The following ADGRB3 variants were observed in gnomAD, a reference collection of about 807,000 sequenced individuals.
ADGRB3 encodes adhesion G protein-coupled receptor B3, also known as brain-specific angiogenesis inhibitor 3.
ADGRB3 carries 37 observed loss-of-function variants against 193.4 expected under a neutral mutation model. The observed-to-expected ratio is 0.19, with a 90% CI of 0.15 to 0.25. The LOEUF is 0.25. Ranked by LOEUF, ADGRB3 falls within the 10% of genes least tolerant of loss-of-function variation. The probability of loss-of-function intolerance (pLI) is 1.00; values close to 1 mark genes in which losing one functional copy is unlikely to be tolerated. For missense variants in ADGRB3, 1,637 were observed against 1,852.9 expected (o/e 0.88, Z 2.14); for synonymous variants, 690 against 644.2 (o/e 1.07, Z -1.08).
intron 3 of ADGRB3, among the ~76,000 whole-genome samples, chr6:68,797,782 T>C (rs1388256854): frequency 6.6e-6 from 1 of 152,192 alleles, no homozygotes; most frequent in Non-Finnish European, 1.5e-5. Flanking sequence ...TTTATTTTTC[T>C]TTTTTCTCCT....
intron 3 of ADGRB3, among the ~76,000 whole-genome samples, chr6:68,676,028 A>G (rs2802685): frequency 0.028 from 4,229 of 152,186 alleles, 195 homozygotes; most frequent in African/African-American, 0.094. Context: ...GCCTCATTTT[A>G]ACATTTGGAT....
At chr6:69,199,353 A>C (rs1339697509) in intron 17 of ADGRB3, among the ~76,000 whole-genome samples, 1 of 152,084 alleles carries the variant, frequency 6.6e-6, no homozygotes, top group Non-Finnish European at 1.5e-5. Flanking sequence ...GACCTTGGGC[A>C]AGTTAAATTA....
intron 3 of ADGRB3, among the ~76,000 whole-genome samples, chr6:68,901,881 C>T (rs180765497): frequency 2.6e-5 from 4 of 151,884 alleles, no homozygotes; most frequent in Admixed American, 1.3e-4. Flanking sequence ...TTGTTTTTTT[C>T]AAAAATGTTT....
At chr6:68,935,408 A>G (rs1767460411) in intron 4 of ADGRB3, among the ~76,000 whole-genome samples, 1 of 152,222 alleles carries the variant, frequency 6.6e-6, no homozygotes, top group African/African-American at 2.4e-5. Context: ...ATGGACAAAT[A>G]CATGATCATA....
intron 20 of ADGRB3, among the ~76,000 whole-genome samples, chr6:69,303,782 G>A (rs1315709912): frequency 6.6e-6 from 1 of 151,940 alleles, no homozygotes; most frequent in African/African-American, 2.4e-5. Context: ...TCTGTTTTCA[G>A]TGGAATGTCT....
chr6:69,055,396 T>C (rs1257769872), intron 15 of ADGRB3, among the ~76,000 whole-genome samples: 1 of 152,266 alleles, frequency 6.6e-6, no homozygotes, highest in African/African-American at 2.4e-5. Flanking sequence ...TTCATCTTTT[T>C]GTGATTGATT....
intron 13 of ADGRB3, among the ~76,000 whole-genome samples, chr6:69,034,358 A>G (rs1770803100): frequency 6.6e-6 from 1 of 151,684 alleles, no homozygotes; most frequent in African/African-American, 2.4e-5. Context: ...CTGAAAATCT[A>G]AAATATCTTT....
At chr6:69,246,995 C>T (rs1766512504) in intron 20 of ADGRB3, among the ~76,000 whole-genome samples, 1 of 152,160 alleles carries the variant, frequency 6.6e-6, no homozygotes, top group South Asian at 2.1e-4. Context: ...AACTCCATGA[C>T]TTGATCAATT....
chr6:68,702,455 G>T (rs145589889), intron 3 of ADGRB3, among the ~76,000 whole-genome samples: 15 of 152,248 alleles, frequency 9.9e-5, no homozygotes, highest in Non-Finnish European at 1.9e-4. Context: ...TTGATAAATT[G>T]CTTATGAGTC....
At chr6:68,736,461 TGTGA>T (rs1448529631) in intron 3 of ADGRB3, among the ~76,000 whole-genome samples, 6 of 152,148 alleles carry the variant, frequency 3.9e-5, no homozygotes, top group African/African-American at 9.7e-5. Context: ...TTTCCCACAG[TGTGA>T]GTGTCTCTAC....
chr6:68,661,605 A>G (rs555312552), intron 3 of ADGRB3, among the ~76,000 whole-genome samples: 36 of 141,198 alleles, frequency 2.5e-4, no homozygotes, highest in Non-Finnish European at 4.7e-4. Flanking sequence ...TTTAGATTGG[A>G]CTTTCAATGA....
At chr6:69,333,496 T>A (rs1407187167) in intron 24 of ADGRB3, among the ~76,000 whole-genome samples, 2 of 152,100 alleles carry the variant, frequency 1.3e-5, no homozygotes, top group Admixed American at 6.6e-5. Flanking sequence ...AAGCACTATT[T>A]AGGTCTTATA....
intron 17 of ADGRB3, among the ~76,000 whole-genome samples, chr6:69,221,265 T>C (rs1582556077): frequency 1.3e-5 from 2 of 152,324 alleles, no homozygotes; most frequent in African/African-American, 2.4e-5. Context: ...AGATCTTTTA[T>C]TGGAATTTAA....
At chr6:69,249,760 T>C (rs569203460) in intron 20 of ADGRB3, among the ~76,000 whole-genome samples, 30 of 152,050 alleles carry the variant, frequency 2.0e-4, no homozygotes, top group Non-Finnish European at 3.7e-4. Context: ...CTAATGCCTA[T>C]AATAAAAAAA....
intron 3 of ADGRB3, among the ~76,000 whole-genome samples, chr6:68,719,217 A>C (rs1485349807): frequency 6.6e-6 from 1 of 151,724 alleles, no homozygotes; most frequent in Non-Finnish European, 1.5e-5. Context: ...TGATGTTATT[A>C]GTGCTTCAAT....
intron 3 of ADGRB3, among the ~76,000 whole-genome samples, chr6:68,749,408 A>ATATATATGTGTGTG (rs540892508): frequency 2.2e-5 from 3 of 136,490 alleles, no homozygotes; most frequent in African/African-American, 8.4e-5. Context: ...ATATATATAT[A>ATATATATGTGTGTG]TGTGTGTGTG....
chr6:69,135,679 C>A (rs537228793), intron 17 of ADGRB3, among the ~76,000 whole-genome samples: 1 of 152,084 alleles, frequency 6.6e-6, no homozygotes, highest in Non-Finnish European at 1.5e-5. Context: ...ACCAAAGGAC[C>A]AATTTCAACT....
chr6:69,122,194 A>G (rs554946130), intron 17 of ADGRB3, among the ~76,000 whole-genome samples: 3 of 151,952 alleles, frequency 2.0e-5, no homozygotes, highest in African/African-American at 7.2e-5. Flanking sequence ...TCCGTCTGCA[A>G]TCCCAGCACC....
intron 20 of ADGRB3, among the ~76,000 whole-genome samples, chr6:69,279,517 A>G (rs1767387671): frequency 6.6e-6 from 1 of 152,058 alleles, no homozygotes; most frequent in Admixed American, 6.6e-5. Flanking sequence ...TTTCTTGCCT[A>G]CATTTAAAAT....
Sources: gnomAD v4.1 joint callset for allele counts (sites outside exome capture counted in the v4.1 genomes callset) on GRCh38, gnomAD v4.1.1 for gene constraint, MANE v1.5 for transcripts, NCBI Gene and HGNC (gene_info 2026-07-23, HGNC 2026-07-21) for gene names.